The following NDST2 variants were observed in gnomAD, a reference collection of about 807,000 sequenced individuals.
NDST2 encodes N-deacetylase and N-sulfotransferase 2.
In NDST2, 32 loss-of-function variants were observed where a neutral mutation model predicts 86.9. The ratio of observed to expected loss-of-function variants is 0.37; its 90% confidence interval spans 0.28 to 0.49. NDST2 has a LOEUF of 0.49. Ranked by LOEUF, NDST2 falls within the 20% of genes least tolerant of loss-of-function variation. The pLI, the probability that NDST2 is intolerant of heterozygous loss-of-function variation, is 0.97. For missense variants in NDST2, 950 were observed against 1,146.9 expected (o/e 0.83, Z 2.48); for synonymous variants, 409 against 437.0 (o/e 0.94, Z 0.80).
At position 73,803,581 on chromosome 10, in the gene NDST2, C is replaced by A. The variant is rs1285731582; in HGVS notation, c.2135G>T (p.Trp712Leu). The A allele has an allele frequency of 6.2e-7, 1 of 1,607,440 alleles. No individual in the cohort carries two copies. The change falls in exon 11 of 15, where the codon TGG (tryptophan) becomes TTG (leucine). Residue 712 changes from tryptophan to leucine, a missense_variant. This residue lies in a region of NDST2 where 303 missense variants were observed against 323.7 expected (regional missense o/e 0.94). Coordinates refer to ENST00000309979, the MANE Select transcript of NDST2 (RefSeq NM_003635.4). Reference protein sequence around the residue: ...LTNPADRAYSWYQHQRAHGDP... With the variant: ...LTNPADRAYSLYQHQRAHGDP... Reference sequence around the variant, plus strand: ...CCCTAGCTTCAGGCAGACCTGGTACCAGGAGTAGGCCCTGTCAGCAGGGTT... The same window carrying A: ...CCCTAGCTTCAGGCAGACCTGGTACAAGGAGTAGGCCCTGTCAGCAGGGTT...
chr10:73,806,604 G>GA lies in NDST2; in HGVS notation c.1248+52dup. The stretch of plus-strand genomic sequence containing the variant: ...AAGGGTAGCCCATTAGGGGAAGGTA[G>GA]AAAAGGAAGCATGGCTGGGAGAAAT... On this transcript the variant is annotated intron_variant, in intron 5 of 14. Coordinates refer to ENST00000309979, the MANE Select transcript of NDST2 (RefSeq NM_003635.4). The surrounding 1 kb of genome is among the most constrained non-coding windows in gnomAD (Gnocchi z 4.5). 1 of 1,599,108 alleles carries GA rather than the reference G, an allele frequency of 6.3e-7. No homozygotes were observed. The highest frequency in any genetic ancestry group is 1.1e-5 in the South Asian group (1 of 90,462).
In NDST2 at chr10:73,805,570, C is replaced by G. The variant is rs1436864059; in HGVS notation, c.1746+17G>C. 2 of 1,613,198 alleles carry G rather than the reference C, an allele frequency of 1.2e-6. No individual in the cohort carries two copies. The highest frequency in any genetic ancestry group is 1.7e-6 in the Non-Finnish European group (2 of 1,179,526). On this transcript the variant is annotated intron_variant, in intron 8 of 14. Coordinates refer to ENST00000309979, the MANE Select transcript of NDST2 (RefSeq NM_003635.4). ...CACCCCTATCATGTCTCTCATCAGA[C>G]TGAGCTCCACCTTTACCTGCCAAAG...
At position 73,808,511 on chromosome 10, in the gene NDST2, T is replaced by C. The variant is rs757725597; in HGVS notation, c.-123A>G. 6 of 1,022,918 alleles carry C rather than the reference T, an allele frequency of 5.9e-6. No individual in the cohort carries two copies. The highest frequency in any genetic ancestry group is 6.9e-6 in the Non-Finnish European group (5 of 719,468). The allele number at this position is 1,022,918 out of a possible 1,614,324, so 63.4% of individuals were successfully genotyped here. ...GGAAAATAGGGGACAGGGATTCCCT[T>C]GGGGAGTTTCCTTTACGAGGTGGAG... On this transcript the variant is annotated 5_prime_UTR_variant, in exon 3 of 15. Coordinates refer to ENST00000309979, the MANE Select transcript of NDST2 (RefSeq NM_003635.4). This position sits in a 1 kb window ranked among gnomAD's most constrained non-coding sequence, Gnocchi z 4.3.
intron 2 of NDST2, among the ~76,000 whole-genome samples, chr10:73,810,474 A>G (rs368223800): frequency 2.6e-5 from 4 of 152,254 alleles, no homozygotes; most frequent in South Asian, 2.1e-4. Flanking sequence ...AAATAAAAAT[A>G]AAAATAAAAA....
intron 4 of NDST2, 36 bp downstream of exon 4, chr10:73,807,072 C>A: frequency 6.3e-7 from 1 of 1,586,870 alleles, no homozygotes; most frequent in Non-Finnish European, 8.7e-7. Context: ...ACAGGTCAAA[C>A]TATGATATGC....
chr10:73,806,470 T>C lies in NDST2; in HGVS notation c.1253A>G (p.His418Arg), dbSNP rs2084105164. ...ATACCCCAGGTCCGTGGGAATCCCATGCTCCTGGGAATGGCATAGACTCTC... is the reference window on the plus strand; with the variant it reads ...ATACCCCAGGTCCGTGGGAATCCCACGCTCCTGGGAATGGCATAGACTCTC... ...MRLNKQFALE[H>R]GIPTDLGYAV... The change falls in exon 6 of 15, where the codon CAT (histidine) becomes CGT (arginine). Residue 418 changes from histidine to arginine, a missense_variant. Coordinates refer to ENST00000309979, the MANE Select transcript of NDST2 (RefSeq NM_003635.4). The surrounding 1 kb of genome is among the most constrained non-coding windows in gnomAD (Gnocchi z 4.5). The C allele has an allele frequency of 6.3e-7, 1 of 1,586,710 alleles. No individual in the cohort carries two copies. Among genetic ancestry groups the C allele is most frequent in the Non-Finnish European group, 8.6e-7 (1 of 1,164,092 alleles).
rs1267184011 is a variant in NDST2, at chr10:73,806,080, G to A, written c.1435-52C>T. On this transcript the variant is annotated intron_variant, in intron 6 of 14. Transcript: ENST00000309979. The surrounding 1 kb of genome is among the most constrained non-coding windows in gnomAD (Gnocchi z 4.5). The stretch of plus-strand genomic sequence containing the variant: ...GATTTGAAAGATAGAATGAGAAGTA[G>A]ATGGAGGACACTGGGATTTATAGAG... 6.2e-7 allele frequency: 1 copy of A among 1,601,758 alleles called. No homozygotes were observed. Among genetic ancestry groups the A allele is most frequent in the Non-Finnish European group, 8.5e-7 (1 of 1,172,878 alleles).
chr10:73,802,532 C>T lies in NDST2; in HGVS notation c.2571G>A (p.Glu857=), dbSNP rs1477697747. 6.2e-7 allele frequency: 1 copy of T among 1,614,028 alleles called. No individual in the cohort carries two copies. The highest frequency in any genetic ancestry group is 1.7e-5 in the Admixed American group (1 of 60,006). Residue 857 remains glutamate (E), a synonymous_variant, in exon 15 of 15, where the codon GAG becomes GAA. Transcript: ENST00000309979. ...CAAGCCGGCTCAGCAGCTTCGACAA[C>T]TCCAAATTATGGTTCCGGAAAAAAT... ...LTDFFRNHNL[E]LSKLLSRLGQ... is the part of the protein sequence containing the mutation.
At chr10:73,802,923 CT>C (rs761958278) in intron 13 of NDST2, 48 bp downstream of exon 13, 1 of 1,576,742 alleles carries the variant, frequency 6.3e-7, no homozygotes, top group Non-Finnish European at 8.7e-7. Flanking sequence ...GGTCAACCTG[CT>C]TCCCCATTTC....
intron 11 of NDST2, 99 bp from the exon 12 acceptor site, chr10:73,803,458 C>T: frequency 6.5e-7 from 1 of 1,541,650 alleles, no homozygotes. Context: ...GGGTACCCGT[C>T]CCCAAGGCAC....
At chr10:73,803,786 AT>A in intron 10 of NDST2, 38 bp from the exon 11 acceptor site, 1 of 1,613,464 alleles carries the variant, frequency 6.2e-7, no homozygotes. Flanking sequence ...GCAGAAAAAT[AT>A]GCAGAGTGAA....
intron 9 of NDST2, 108 bp from the exon 10 acceptor site, chr10:73,804,124 T>C (rs1565096509): frequency 7.4e-7 from 1 of 1,346,120 alleles, no homozygotes. Flanking sequence ...GGTAGGAAAA[T>C]CCCCTATGGC....
In NDST2 at chr10:73,807,524, G is replaced by A; in HGVS notation, c.865C>T (p.His289Tyr). The change falls in exon 3 of 15, where the codon CAC becomes TAC. Residue 289 changes from histidine to tyrosine, a missense_variant. Physicochemically the swap from His to Tyr is moderately conservative, Grantham distance 83. Transcript: ENST00000309979. The part of the protein sequence containing the change: ...LFGHGLSFWL[H>Y]KLIFVDAVAY... ...ACAGCATCAACGAAGATAAGTTTGT[G>A]GAGCCAGAAGGAAAGGCCATGTCCA... is the stretch of plus-strand genomic sequence containing the variant. 2 of 1,614,216 alleles carry A rather than the reference G, an allele frequency of 1.2e-6. No individual in the cohort carries two copies. Among genetic ancestry groups the A allele is most frequent in the South Asian group, 2.2e-5 (2 of 91,084 alleles).
In NDST2 at chr10:73,808,219, C is replaced by A. The variant is rs1344165692; in HGVS notation, c.170G>T (p.Ser57Ile). ...PLPLPLGDCS[S>I]GGAAGPGPAR... The stretch of plus-strand genomic sequence containing the variant: ...AGGGCCAGGACCAGCTGCCCCACCG[C>A]TGCTGCAGTCTCCCAAGGGCAGGGG... The change falls in exon 3 of 15, where the codon AGC becomes ATC. Residue 57 changes from serine (S) to isoleucine (I), a missense_variant. By Grantham distance (142) the Ser-to-Ile change is moderately radical. This residue lies in a region of NDST2 where 586 missense variants were observed against 714.0 expected (regional missense o/e 0.82). Transcript: ENST00000309979. This position sits in a 1 kb window ranked among gnomAD's most constrained non-coding sequence, Gnocchi z 4.3. The A allele has an allele frequency of 1.9e-6, 3 of 1,612,842 alleles. No individual in the cohort carries two copies. In the South Asian group the frequency reaches 3.3e-5, roughly 18 times the overall value.
In NDST2 at chr10:73,802,378, C is replaced by A; in HGVS notation, c.*73G>T. ...GGAGGGGCCAGGCCACTCTAATCCCCCTTGTGGGCCCTGCTCTGGACCTGC... is the reference window on the plus strand; with the variant it reads ...GGAGGGGCCAGGCCACTCTAATCCCACTTGTGGGCCCTGCTCTGGACCTGC... On this transcript the variant is annotated 3_prime_UTR_variant, in exon 15 of 15. Transcript: ENST00000309979. 6.3e-7 allele frequency: 1 copy of A among 1,587,492 alleles called. No homozygotes were observed. The highest frequency in any genetic ancestry group is 1.3e-5 in the African/African-American group (1 of 74,538).
At chr10:73,807,280 A>T (rs567463067) in intron 3 of NDST2, 85 bp from the exon 4 acceptor site, 65 of 1,543,990 alleles carry the variant, frequency 4.2e-5, no homozygotes, top group East Asian at 4.5e-5. Context: ...CCTGCCTGGA[A>T]AGGCAGGGAG....
chr10:73,803,373 A>G lies in NDST2; in HGVS notation c.2143-14T>C. The G allele has an allele frequency of 6.2e-7, 1 of 1,614,076 alleles. No individual in the cohort carries two copies. Among genetic ancestry groups the G allele is most frequent in the Non-Finnish European group, 8.5e-7 (1 of 1,179,926 alleles). Reference sequence around the variant, plus strand: ...GGCTCGCTGATGCTGAAGGACAAAGAGAAGGAAGGTGAAGGACTGGTGATT... The same window carrying G: ...GGCTCGCTGATGCTGAAGGACAAAGGGAAGGAAGGTGAAGGACTGGTGATT... On this transcript the variant is annotated splice_polypyrimidine_tract_variant and intron_variant, in intron 11 of 14. Coordinates refer to ENST00000309979, the MANE Select transcript of NDST2 (RefSeq NM_003635.4).
Position 73,803,609 on chromosome 10 carries a change from T to TGG in NDST2, c.2106_2107insCC (p.Thr703ProfsTer24). The TGG allele has an allele frequency of 6.3e-7, 1 of 1,597,080 alleles. No homozygotes were observed. The highest frequency in any genetic ancestry group is 8.5e-7 in the Non-Finnish European group (1 of 1,170,928). ...GAGTAGGCCCTGTCAGCAGGGTTGG[T>TGG]GAGCACTGTGATGATCTTGGCTCGT... On this transcript the variant is annotated frameshift_variant, in exon 11 of 15. Coordinates refer to ENST00000309979, the MANE Select transcript of NDST2 (RefSeq NM_003635.4). LOFTEE classifies it high-confidence loss of function.
chr10:73,806,908 CCTAAGA>C lies in NDST2; in HGVS notation c.1094-103_1094-98del. The stretch of plus-strand genomic sequence containing the variant: ...GACCACCTTCCATCCCTGATCCTTG[CCTAAGA>C]CTTTCTATTTGCCCCACTGCCAACT... On this transcript the variant is annotated intron_variant, in intron 4 of 14. Coordinates refer to ENST00000309979, the MANE Select transcript of NDST2 (RefSeq NM_003635.4). This position sits in a 1 kb window ranked among gnomAD's most constrained non-coding sequence, Gnocchi z 4.5. The C allele has an allele frequency of 1.3e-6, 2 of 1,562,882 alleles. No individual in the cohort carries two copies. Among genetic ancestry groups the C allele is most frequent in the Middle Eastern group, 1.9e-4 (1 of 5,370 alleles).
Sources: gnomAD v4.1 joint callset for allele counts (sites outside exome capture counted in the v4.1 genomes callset) on GRCh38, gnomAD v4.1.1 for gene constraint, gnomAD v4.1.1 regional missense constraint, Gnocchi (gnomAD v3.1) non-coding constraint, MANE v1.5 for transcripts, NCBI Gene and HGNC (gene_info 2026-07-23, HGNC 2026-07-21) for gene names.